NUP214: variants seen among roughly 807,000 people sequenced by gnomAD.
NUP214 encodes the protein nucleoporin 214, also known as nuclear pore complex protein Nup214.
Under a neutral mutation model 196.2 loss-of-function variants are expected in NUP214, and 79 were observed. The ratio of observed to expected loss-of-function variants is 0.40; its 90% CI spans 0.34 to 0.49. The LOEUF (loss-of-function observed/expected upper bound fraction) is 0.49, where lower values mean the gene tolerates loss of function less well. Among genes scored for constraint, NUP214 ranks in the 20% least tolerant of loss-of-function variants. NUP214 has a pLI of 0.58. For missense variants in NUP214, 2,468 were observed against 2,539.0 expected (o/e 0.97, Z 0.60); for synonymous variants, 1,020 against 990.5 (o/e 1.03, Z -0.56).
chr9:131,220,333 A>G (rs1459776665), intron 31 of NUP214, among the ~76,000 whole-genome samples: 1 of 152,220 alleles, frequency 6.6e-6, no homozygotes, highest in African/African-American at 2.4e-5. Context: ...CAAGAAACAC[A>G]TTGTTGACAT....
intron 8 of NUP214, 123 bp from the exon 9 acceptor site, chr9:131,135,817 T>TA (rs1441611640): frequency 5.3e-5 from 36 of 679,896 alleles, no homozygotes; most frequent in Non-Finnish European, 5.6e-5. Context: ...TTCAACCAGA[T>TA]AAAAAACCTT....
chr9:131,191,987 G>A, intron 26 of NUP214: 2 of 417,290 alleles, frequency 4.8e-6, no homozygotes, highest in Non-Finnish European at 8.4e-6. Context: ...CCTTAGACTG[G>A]AATTAACATT....
intron 12 of NUP214, 119 bp downstream of exon 12, chr9:131,144,873 G>A (rs1832041864): frequency 3.8e-6 from 3 of 783,462 alleles, no homozygotes; most frequent in Non-Finnish European, 6.0e-6. Flanking sequence ...TACCCAGAGT[G>A]ATACTTGCAA....
At position 131,196,031 on chromosome 9, in the gene NUP214, C is replaced by CCCCCCG. The variant is rs1833775424; in HGVS notation, c.3721+742_3721+743insGCCCCC. Among the ~76,000 whole-genome samples the CCCCCCG allele has an allele frequency of 7.3e-5, 2 of 27,568 alleles. 1 individual carries two copies. Among genetic ancestry groups the CCCCCCG allele is most frequent in the Non-Finnish European group, 3.4e-4 (2 of 5,860 alleles). The allele number at this position is 27,568 out of a possible 152,430, so 18.1% of individuals were successfully genotyped here. ...AAGAGTGAAACTCTGTGTGTCCCCCCCCCCCCCCGCGCCAAAAAATCCATC... is the reference window on the plus strand; with the variant it reads ...AAGAGTGAAACTCTGTGTGTCCCCCCCCCCCGCCCCCCCCGCGCCAAAAAATCCATC... On this transcript the variant is annotated intron_variant, in intron 28 of 35. Coordinates refer to ENST00000359428, the MANE Select transcript of NUP214 (RefSeq NM_005085.4).
At position 131,136,825 on chromosome 9, in the gene NUP214, G is replaced by A. The variant is rs953478390; in HGVS notation, c.1005+819G>A. The A allele has an allele frequency of 2.0e-5, 3 of 152,354 alleles. No individual in the cohort carries two copies. In the East Asian group the frequency reaches 5.8e-4, roughly 29 times the overall value. The allele number at this position is 152,354 out of a possible 1,614,324, so 9.4% of individuals were successfully genotyped here. ...CACTTGTAGATTTTGCAGAATGACTGTAGAGAGGGCACAACGAAAGAAGGG... is the reference window on the plus strand; with the variant it reads ...CACTTGTAGATTTTGCAGAATGACTATAGAGAGGGCACAACGAAAGAAGGG... On this transcript the variant is annotated intron_variant, in intron 9 of 35. Transcript: ENST00000359428.
In NUP214 at chr9:131,189,115, T is replaced by C; in HGVS notation, c.3558T>C (p.Ser1186=). The change falls in exon 26 of 36, where the codon TCT becomes TCC. Residue 1186 remains serine, a synonymous_variant. Transcript: ENST00000359428. ...CACCAGCATCCGGTCAGTTATCATC[T>C]GGTGACAAAGCTTCAGGTCAGTTTG... ...GPTPASGQLS[S]GDKASGTAKI... is the part of the protein sequence containing the mutation. 1 of 1,614,062 alleles carries C rather than the reference T, an allele frequency of 6.2e-7. No individual in the cohort carries two copies.
chr9:131,204,666 T>C (rs1006531226), intron 30 of NUP214, among the ~76,000 whole-genome samples: 2 of 151,958 alleles, frequency 1.3e-5, no homozygotes, highest in East Asian at 1.9e-4. Flanking sequence ...AAATGAAAGA[T>C]ACAAAAGAGA....
Position 131,197,558 on chromosome 9 carries a change from C to T in NUP214, c.4064C>T (p.Thr1355Ile), listed in dbSNP as rs147354892. Residue 1355 changes from threonine to isoleucine, a missense_variant, in exon 29 of 36, where the codon ACA becomes ATA. By Grantham distance (89) the Thr-to-Ile change is moderately conservative (BLOSUM62 -1). Around this residue, in one of 5 missense-constraint regions of NUP214, gnomAD observed 1,801 missense variants for 1,779.4 expected, o/e 1.01. Transcript: ENST00000359428. ...AAACCAACCAATAAGGCTTCATCCA[C>T]AAGCCTAACTAGTACCCAGCCAACC... is the stretch of plus-strand genomic sequence containing the variant. ...STKPTNKASSTSLTSTQPTKT... is the reference protein window; with the variant it reads ...STKPTNKASSISLTSTQPTKT... 10 of 1,614,088 alleles carry T rather than the reference C, an allele frequency of 6.2e-6. No individual in the cohort carries two copies. The African/African-American group carries it at 1.3e-4, about 22-fold the overall frequency.
At chr9:131,223,727 ATTTTT>A (rs529624907) in intron 32 of NUP214, among the ~76,000 whole-genome samples, 5 of 15,642 alleles carry the variant, frequency 3.2e-4, no homozygotes, top group Admixed American at 1.4e-3. Context: ...TTATTTATTT[ATTTTT>A]TTTTTTTTTT....
At chr9:131,228,398 C>T in intron 33 of NUP214, 67 bp downstream of exon 33, 4 of 1,465,886 alleles carry the variant, frequency 2.7e-6, no homozygotes, top group Non-Finnish European at 2.7e-6. Context: ...GGCCTGTACT[C>T]TTGCTCTGAA....
chr9:131,143,038 A>G (rs1033329171), intron 11 of NUP214, among the ~76,000 whole-genome samples: 1 of 152,160 alleles, frequency 6.6e-6, no homozygotes, highest in Admixed American at 6.6e-5. Context: ...CAGGGGTCTC[A>G]CTCTGTTGTG....
In NUP214 at chr9:131,178,333, A is replaced by C; in HGVS notation, c.3342A>C (p.Ser1114=). The part of the protein sequence containing the change: ...QAPAVNTLTE[S]TLKNVPQVVN... ...TAGCTGTAAACACTTTGACTGAATC[A>C]ACGTTGAAGAATGTCCCTCAAGTGG... is the stretch of plus-strand genomic sequence containing the variant. Residue 1114 remains serine, a synonymous_variant, in exon 24 of 36, where the codon TCA becomes TCC. Transcript: ENST00000359428. 1 of 1,613,786 alleles carries C rather than the reference A, an allele frequency of 6.2e-7. No individual in the cohort carries two copies. The highest frequency in any genetic ancestry group is 8.5e-7 in the Non-Finnish European group (1 of 1,179,668).
chr9:131,223,176 T>A lies in NUP214; in HGVS notation c.5902+246T>A, dbSNP rs559386692. Among the ~76,000 whole-genome samples, 6 of 152,242 alleles carry A rather than the reference T, an allele frequency of 3.9e-5. No individual in the cohort carries two copies. In the East Asian group the frequency reaches 9.7e-4, roughly 24 times the overall value. ...AGTAATGCAACATTTTTTTTTCTTT[T>A]TTTTTTTGTGAGAGGGAGTCTCAAT... is the stretch of plus-strand genomic sequence containing the variant. On this transcript the variant is annotated intron_variant, in intron 32 of 35. Coordinates refer to ENST00000359428, the MANE Select transcript of NUP214 (RefSeq NM_005085.4).
rs780800312 is a variant in NUP214 at position 131,130,747 on chromosome 9, T to C, written c.593-19T>C. 1 of 1,612,570 alleles carries C rather than the reference T, an allele frequency of 6.2e-7. No individual in the cohort carries two copies. The highest frequency in any genetic ancestry group is 1.1e-5 in the South Asian group (1 of 91,008). On this transcript the variant is annotated intron_variant, in intron 4 of 35. Coordinates refer to ENST00000359428, the MANE Select transcript of NUP214 (RefSeq NM_005085.4). ...GCTCCATTTTCTTGTTTTCATTTGGTAATACTGTCTTTGCTCAGTGTGCTG... is the reference window on the plus strand; with the variant it reads ...GCTCCATTTTCTTGTTTTCATTTGGCAATACTGTCTTTGCTCAGTGTGCTG...
chr9:131,213,939 G>A (rs1036352068), intron 30 of NUP214, among the ~76,000 whole-genome samples: 1 of 152,214 alleles, frequency 6.6e-6, no homozygotes, highest in African/African-American at 2.4e-5. Flanking sequence ...TGTCAGAGCA[G>A]TGGAAAAGGG....
Position 131,162,717 on chromosome 9 carries a change from C to G in NUP214, c.2541-274C>G, listed in dbSNP as rs1288052424. ...ACACCTCACTCCTGCCCTTTTCTTC[C>G]CAGGGCCTCTCTCAGGTTTCACCTA... On this transcript the variant is annotated intron_variant, in intron 18 of 35. Transcript: ENST00000359428. 8 of 400,978 alleles carry G rather than the reference C, an allele frequency of 2.0e-5. No homozygotes were observed. The East Asian group carries it at 4.3e-4, about 22-fold the overall frequency. 24.8% of individuals were successfully genotyped at this position (400,978 alleles called of 1,614,324 possible). A position where few individuals can be genotyped will look rare whatever the true frequency, so the allele number is the denominator to read the frequency against.
At chr9:131,213,178 CTTTT>C (rs1056468207) in intron 30 of NUP214, among the ~76,000 whole-genome samples, 2 of 141,160 alleles carry the variant, frequency 1.4e-5, no homozygotes, top group Non-Finnish European at 3.1e-5. Flanking sequence ...TATCAAATCA[CTTTT>C]TTTTTTTTTT....
At chr9:131,162,755 C>T in intron 18 of NUP214, 1 of 511,032 alleles carries the variant, frequency 2.0e-6, no homozygotes, top group Non-Finnish European at 3.5e-6. Flanking sequence ...GTATGCTGTC[C>T]TTTGCTACAG....
At position 131,189,107 on chromosome 9, in the gene NUP214, T is replaced by C. The variant is rs776693312; in HGVS notation, c.3550T>C (p.Leu1184=). The C allele has an allele frequency of 3.5e-5, 56 of 1,613,966 alleles. No individual in the cohort carries two copies. Among genetic ancestry groups the C allele is most frequent in the Non-Finnish European group, 4.5e-5 (53 of 1,179,946 alleles). ...PSGPTPASGQ[L]SSGDKASGTA... ...TGGGCCTACACCAGCATCCGGTCAGTTATCATCTGGTGACAAAGCTTCAGG... is the reference window on the plus strand; with the variant it reads ...TGGGCCTACACCAGCATCCGGTCAGCTATCATCTGGTGACAAAGCTTCAGG... The change falls in exon 26 of 36, where the codon TTA becomes CTA. Residue 1184 remains leucine, a synonymous_variant. Transcript: ENST00000359428.
Sources: allele counts gnomAD v4.1 joint callset (sites outside exome capture counted in the v4.1 genomes callset), GRCh38; gene constraint gnomAD v4.1.1; regional missense constraint gnomAD v4.1.1; transcripts MANE v1.5; gene names NCBI Gene and HGNC (gene_info 2026-07-23, HGNC 2026-07-21).